The following CTNNA2 variants were observed in gnomAD, a reference collection of about 807,000 sequenced individuals.
The protein encoded by CTNNA2 is catenin alpha 2.
A neutral mutation model predicts 101.0 loss-of-function variants in CTNNA2; 42 were observed. The ratio of observed to expected loss-of-function variants is 0.42; its 90% confidence interval spans 0.32 to 0.54. The LOEUF (loss-of-function observed/expected upper bound fraction) is 0.54, where lower values mean the gene tolerates loss of function less well. Ranked by LOEUF, CTNNA2 falls within the 20% of genes least tolerant of loss-of-function variation. CTNNA2 has a pLI of 0.14. For synonymous variants in CTNNA2, 450 were observed against 456.4 expected, an observed-to-expected ratio of 0.99 and a Z score of 0.18; for missense variants, 871 against 1,223.1, an observed-to-expected ratio of 0.71 and a Z score of 4.29.
At chr2:79,470,749 G>A (rs921862187) in intron 4 of CTNNA2, among the ~76,000 whole-genome samples, 9 of 152,144 alleles carry the variant, frequency 5.9e-5, no homozygotes, top group African/African-American at 1.7e-4. Context: ...TATTGTAATT[G>A]AGTTGCAGAT....
intron 15 of CTNNA2, among the ~76,000 whole-genome samples, chr2:80,593,785 A>T (rs943941906): frequency 6.6e-6 from 1 of 152,168 alleles, no homozygotes; most frequent in Non-Finnish European, 1.5e-5. Context: ...TCATGCATAT[A>T]TTGTAGCATA....
chr2:80,505,941 G>C (rs1198360536), intron 9 of CTNNA2, among the ~76,000 whole-genome samples: 2 of 152,174 alleles, frequency 1.3e-5, no homozygotes, highest in Non-Finnish European at 2.9e-5. Context: ...CAAGGGATAT[G>C]TGGAGAATTT....
intron 1 of CTNNA2, among the ~76,000 whole-genome samples, chr2:79,611,576 A>T (rs10206145): frequency 0.013 from 2,019 of 152,260 alleles, 72 homozygotes; most frequent in East Asian, 0.12. Flanking sequence ...TGCTGCTTTT[A>T]AGTCTGAGGA....
chr2:79,556,476 G>T (rs1674453386), intron 1 of CTNNA2, among the ~76,000 whole-genome samples: 1 of 151,982 alleles, frequency 6.6e-6, no homozygotes, highest in African/African-American at 2.4e-5. Context: ...TTTTCATCTA[G>T]TTCAACAAAC....
At chr2:79,892,350 G>A (rs943222954) in intron 6 of CTNNA2, among the ~76,000 whole-genome samples, 1 of 151,948 alleles carries the variant, frequency 6.6e-6, no homozygotes, top group Middle Eastern at 3.4e-3. Context: ...GAAACATTGT[G>A]TCCCTGCAAA....
At chr2:79,437,178 G>A (rs1007828591) in intron 4 of CTNNA2, among the ~76,000 whole-genome samples, 1 of 151,082 alleles carries the variant, frequency 6.6e-6, no homozygotes, top group African/African-American at 2.4e-5. Flanking sequence ...TGGTTGCAAT[G>A]AGCCATGACT....
chr2:80,048,688 G>T (rs1696683293), intron 7 of CTNNA2, among the ~76,000 whole-genome samples: 1 of 152,226 alleles, frequency 6.6e-6, no homozygotes, highest in South Asian at 2.1e-4. Context: ...TGACATTGGG[G>T]ATAAACTGGC....
At chr2:80,553,256 T>A (rs1482981706) in intron 11 of CTNNA2, among the ~76,000 whole-genome samples, 8 of 151,794 alleles carry the variant, frequency 5.3e-5, no homozygotes, top group Middle Eastern at 3.4e-3. Flanking sequence ...AAAATAAAAT[T>A]AGTCAATTAG....
At chr2:80,307,554 GA>G (rs1677149634) in intron 7 of CTNNA2, among the ~76,000 whole-genome samples, 3 of 151,832 alleles carry the variant, frequency 2.0e-5, no homozygotes, top group Non-Finnish European at 4.4e-5. Flanking sequence ...CCTGTCTTTT[GA>G]AAATATCTGA....
chr2:79,402,268 A>T (rs1192808731), intron 4 of CTNNA2, among the ~76,000 whole-genome samples: 1 of 151,816 alleles, frequency 6.6e-6, no homozygotes, highest in Non-Finnish European at 1.5e-5. Flanking sequence ...ATCAGCAAAG[A>T]TGTGGAAAAG....
intron 7 of CTNNA2, among the ~76,000 whole-genome samples, chr2:80,075,595 TATAA>T (rs1698641162): frequency 1.2e-5 from 1 of 84,386 alleles, no homozygotes; most frequent in Non-Finnish European, 2.7e-5. Flanking sequence ...CATGTATAAA[TATAA>T]ATATTTATAC....
chr2:80,188,944 CTTTTTTTTTTTTTTTT>C (rs34090029), intron 7 of CTNNA2, among the ~76,000 whole-genome samples: 1 of 74,686 alleles, frequency 1.3e-5, no homozygotes, highest in Non-Finnish European at 2.3e-5. Context: ...CAGGTGGTCA[CTTTTTTTTTTTTTTTT>C]TTTTTTTTTT....
At position 79,651,535 on chromosome 2, in the gene CTNNA2, T is replaced by C. The variant is rs764666959; in HGVS notation, c.-5-17T>C. The C allele has an allele frequency of 6.9e-6, 11 of 1,598,712 alleles. No individual in the cohort carries two copies. The highest frequency in any genetic ancestry group is 9.4e-6 in the Non-Finnish European group (11 of 1,166,472). On this transcript the variant is annotated splice_polypyrimidine_tract_variant and intron_variant, in intron 1 of 18. Transcript: ENST00000402739. ...TCAAAGATGATTATTTCTAACTGATTACATGTGTTCCCATAGGGAGCATGA... is the reference window on the plus strand; with the variant it reads ...TCAAAGATGATTATTTCTAACTGATCACATGTGTTCCCATAGGGAGCATGA...
chr2:80,225,624 T>G lies in CTNNA2; in HGVS notation c.1057-167587T>G, dbSNP rs184383332. ...GGAAAACATCATGAAGTAACTTCAT[T>G]GAAAACAGCTATGTATATAGAATAG... On this transcript the variant is annotated intron_variant, in intron 7 of 18. Transcript: ENST00000402739. 2.1e-3 allele frequency among the ~76,000 whole-genome samples: 315 copies of G among 152,336 alleles called. 2 individuals are homozygous for G. The highest frequency in any genetic ancestry group is 7.1e-3 in the African/African-American group (294 of 41,586).
At chr2:79,929,066 T>G (rs1687216181) in intron 7 of CTNNA2, among the ~76,000 whole-genome samples, 1 of 152,162 alleles carries the variant, frequency 6.6e-6, no homozygotes, top group African/African-American at 2.4e-5. Flanking sequence ...AAGGATAACC[T>G]TCCTTTGACA....
chr2:79,258,097 G>A (rs1159827587), intron 2 of CTNNA2, among the ~76,000 whole-genome samples: 2 of 152,194 alleles, frequency 1.3e-5, no homozygotes, highest in African/African-American at 4.8e-5. Flanking sequence ...AACTTCACCT[G>A]TATAGCAACC....
intron 3 of CTNNA2, among the ~76,000 whole-genome samples, chr2:79,773,414 A>G (rs1673732526): frequency 6.6e-6 from 1 of 152,178 alleles, no homozygotes; most frequent in African/African-American, 2.4e-5. Flanking sequence ...ATCAATCAAT[A>G]TATGTCTCCC....
intron 2 of CTNNA2, among the ~76,000 whole-genome samples, chr2:79,262,125 T>A (rs1214146782): frequency 2.0e-5 from 3 of 152,072 alleles, no homozygotes; most frequent in Non-Finnish European, 4.4e-5. Context: ...TTTAGCATCA[T>A]TGAGCCTGAA....
chr2:80,272,796 A>G (rs1385951743), intron 7 of CTNNA2, among the ~76,000 whole-genome samples: 1 of 152,192 alleles, frequency 6.6e-6, no homozygotes. Flanking sequence ...GAAACTGGTC[A>G]TTCTGTATTT....
Sources: gnomAD v4.1 joint callset for allele counts (sites outside exome capture counted in the v4.1 genomes callset) on GRCh38, gnomAD v4.1.1 for gene constraint, MANE v1.5 for transcripts, NCBI Gene and HGNC (gene_info 2026-07-23, HGNC 2026-07-21) for gene names.